The following ENTPD7 variants were observed in gnomAD, a reference collection of about 807,000 sequenced individuals.
ENTPD7 encodes ectonucleoside triphosphate diphosphohydrolase 7.
In ENTPD7, 53 loss-of-function variants were observed where a neutral mutation model predicts 77.9. The observed-to-expected ratio is 0.68, with a 90% CI of 0.55 to 0.85. The LOEUF is 0.85. Among genes scored for constraint, ENTPD7 ranks in the 40% least tolerant of loss-of-function variants. The probability of loss-of-function intolerance (pLI) is 0.00; values close to 1 mark genes in which losing one functional copy is unlikely to be tolerated. For missense variants in ENTPD7, 636 were observed against 743.7 expected (o/e 0.86, Z 1.68); for synonymous variants, 248 against 274.9 (o/e 0.90, Z 0.97).
intron 3 of ENTPD7, among the ~76,000 whole-genome samples, chr10:99,675,993 G>A (rs559300021): frequency 3.1e-4 from 47 of 152,208 alleles, no homozygotes; most frequent in Middle Eastern, 3.4e-3. Flanking sequence ...TACTCCTCCT[G>A]TTTCCAACAG....
At chr10:99,690,758 T>C (rs188983564) in intron 7 of ENTPD7, among the ~76,000 whole-genome samples, 38 of 152,050 alleles carry the variant, frequency 2.5e-4, no homozygotes, top group African/African-American at 8.9e-4. Flanking sequence ...GTCAGGCTGG[T>C]CTCGAACTCC....
intron 3 of ENTPD7, among the ~76,000 whole-genome samples, chr10:99,671,842 G>A (rs1470946828): frequency 6.6e-6 from 1 of 152,122 alleles, no homozygotes; most frequent in East Asian, 1.9e-4. Context: ...TTACCATCTG[G>A]AAATAACTGA....
Position 99,704,616 on chromosome 10 carries a change from C to T in ENTPD7, c.1748C>T (p.Ser583Leu). The T allele has an allele frequency of 6.2e-7, 1 of 1,614,158 alleles. No homozygotes were observed. Among genetic ancestry groups the T allele is most frequent in the Non-Finnish European group, 8.5e-7 (1 of 1,180,042 alleles). ...ATTCACCACCGACAAACACGAGCCT[C>T]AGCTCCATTGGACTTGCTGTGGCTT... ...RRIHHRQTRASAPLDLLWLEE... is the reference protein window; with the variant it reads ...RRIHHRQTRALAPLDLLWLEE... The change falls in exon 13 of 13, where the codon TCA (serine) becomes TTA (leucine). Residue 583 changes from serine to leucine, a missense_variant. Ser to Leu is a moderately radical substitution (Grantham distance 145). Transcript: ENST00000370489.
chr10:99,701,408 C>T (rs1449895536), intron 11 of ENTPD7, among the ~76,000 whole-genome samples: 1 of 151,814 alleles, frequency 6.6e-6, no homozygotes, highest in Admixed American at 6.6e-5. Flanking sequence ...CTGCCTCAGC[C>T]CCCCAAGTAG....
chr10:99,700,479 TTCCTG>T (rs1402420127), intron 10 of ENTPD7, among the ~76,000 whole-genome samples: 12 of 151,922 alleles, frequency 7.9e-5, no homozygotes, highest in Non-Finnish European at 1.2e-4. Context: ...GAATGTAAGC[TTCCTG>T]AGGACAGGAA....
rs11325544 is a variant in ENTPD7 at position 99,686,916 on chromosome 10, C to CT, written c.652+1040dup. Among the ~76,000 whole-genome samples, 80 of 98,044 alleles carry CT rather than the reference C, an allele frequency of 8.2e-4. 1 individual carries two copies. Among genetic ancestry groups the CT allele is most frequent in the African/African-American group, 1.4e-3 (38 of 26,692 alleles). The allele number at this position is 98,044 out of a possible 152,430, so 64.3% of individuals were successfully genotyped here. On this transcript the variant is annotated intron_variant, in intron 6 of 12. Transcript: ENST00000370489. The stretch of plus-strand genomic sequence containing the variant: ...GAGCTGCTTTCTGTAGGCTGTGAAT[C>CT]TTTTTTTTTTTTTTTTTTTGAGACA...
intron 3 of ENTPD7, among the ~76,000 whole-genome samples, chr10:99,664,698 G>T (rs1434968379): frequency 6.7e-6 from 1 of 148,896 alleles, no homozygotes; most frequent in Admixed American, 6.7e-5. Flanking sequence ...GTCTACCCAC[G>T]TTGGCCTCCC....
At position 99,706,960 on chromosome 10, in the gene ENTPD7, A is replaced by G. The variant is rs768875482; in HGVS notation, c.*2277A>G. On this transcript the variant is annotated 3_prime_UTR_variant, in exon 13 of 13. Coordinates refer to ENST00000370489, the MANE Select transcript of ENTPD7 (RefSeq NM_020354.5). ...GAAACACGGAAGTAGTGGTTGGTCC[A>G]GTTTGAAAGCTCTTATTAGTATTCT... Among the ~76,000 whole-genome samples, 1 of 152,202 alleles carries G rather than the reference A, an allele frequency of 6.6e-6. No homozygotes were observed. Among genetic ancestry groups the G allele is most frequent in the African/African-American group, 2.4e-5 (1 of 41,450 alleles).
intron 2 of ENTPD7, 146 bp downstream of exon 2, chr10:99,660,110 C>A: frequency 7.7e-7 from 1 of 1,302,120 alleles, no homozygotes; most frequent in Non-Finnish European, 1.1e-6. Context: ...CAGAGACGAT[C>A]AAAGTTGTAT....
At chr10:99,664,611 G>A (rs1349919634) in intron 3 of ENTPD7, among the ~76,000 whole-genome samples, 1 of 151,686 alleles carries the variant, frequency 6.6e-6, no homozygotes, top group Non-Finnish European at 1.5e-5. Context: ...CACCATGCCT[G>A]GCTAATTTTT....
chr10:99,702,657 C>G lies in ENTPD7; in HGVS notation c.1567C>G (p.Arg523Gly), dbSNP rs749800930. Residue 523 changes from arginine to glycine, a missense_variant, in exon 12 of 13, where the codon CGA (arginine) becomes GGA (glycine). Physicochemically the swap from Arg to Gly is moderately radical, Grantham distance 125 (BLOSUM62 -2). Coordinates refer to ENST00000370489, the MANE Select transcript of ENTPD7 (RefSeq NM_020354.5). Reference protein sequence around the residue: ...WTLGAILYKTRFLPLRDLRQE... With the variant: ...WTLGAILYKTGFLPLRDLRQE... ...GCTGGGAGCCATTCTATATAAAACA[C>G]GATTCTTACCACTCAGGTAAAGTAA... 6.2e-7 allele frequency: 1 copy of G among 1,610,838 alleles called. No homozygotes were observed. The highest frequency in any genetic ancestry group is 2.2e-5 in the East Asian group (1 of 44,770).
chr10:99,661,658 G>A, intron 3 of ENTPD7, 30 bp downstream of exon 3: 2 of 1,565,272 alleles, frequency 1.3e-6, no homozygotes, highest in Non-Finnish European at 1.7e-6. Context: ...TGGCACTCAA[G>A]TCATAAATAT....
At chr10:99,693,826 G>A (rs1352008973) in intron 8 of ENTPD7, among the ~76,000 whole-genome samples, 1 of 151,896 alleles carries the variant, frequency 6.6e-6, no homozygotes, top group Non-Finnish European at 1.5e-5. Context: ...GCTGAGGCAG[G>A]AGAATCGCTT....
chr10:99,682,204 T>TG (rs1030826214), intron 5 of ENTPD7, among the ~76,000 whole-genome samples: 1 of 151,664 alleles, frequency 6.6e-6, no homozygotes, highest in South Asian at 2.1e-4. Flanking sequence ...CAGCAGTTTT[T>TG]TTTTTTTTTT....
At chr10:99,698,465 GT>G in intron 9 of ENTPD7, 68 bp from the exon 10 acceptor site, 2 of 1,460,144 alleles carry the variant, frequency 1.4e-6, no homozygotes, top group Non-Finnish European at 9.3e-7. Context: ...TGCACATTGT[GT>G]TTCTTAGACT....
rs201253967 is a variant in ENTPD7 at position 99,704,658 on chromosome 10, T to C, written c.1790T>C (p.Met597Thr). 2.4e-5 allele frequency: 39 copies of C among 1,613,682 alleles called. No individual in the cohort carries two copies. Among genetic ancestry groups the C allele is most frequent in the Non-Finnish European group, 3.0e-5 (35 of 1,179,956 alleles). The change falls in exon 13 of 13, where the codon ATG becomes ACG. Residue 597 changes from methionine (M) to threonine (T), a missense_variant. By Grantham distance (81) the Met-to-Thr change is moderately conservative (BLOSUM62 -1). Coordinates refer to ENST00000370489, the MANE Select transcript of ENTPD7 (RefSeq NM_020354.5). The stretch of plus-strand genomic sequence containing the variant: ...CTGTGGCTTGAAGAGGTGGTGCCCA[T>C]GATGGGAGTACAGGTGGGGCCGTGA... ...DLLWLEEVVP[M>T]MGVQVGP
chr10:99,683,350 T>A (rs778924530), intron 5 of ENTPD7, among the ~76,000 whole-genome samples: 2 of 152,200 alleles, frequency 1.3e-5, no homozygotes, highest in Non-Finnish European at 2.9e-5. Flanking sequence ...TTTATTAGCA[T>A]TTGGTTTTAT....
intron 4 of ENTPD7, 22 bp from the exon 5 acceptor site, chr10:99,679,703 T>C (rs747515831): frequency 1.9e-6 from 3 of 1,592,380 alleles, no homozygotes; most frequent in Non-Finnish European, 1.7e-6. Context: ...AAGTTTTGTC[T>C]GTTTGTTTGT....
At position 99,710,460 on chromosome 10, in the gene ENTPD7, A is replaced by G; in HGVS notation, c.*5777A>G. 1 of 985,456 alleles carries G rather than the reference A, an allele frequency of 1.0e-6. No homozygotes were observed. The highest frequency in any genetic ancestry group is 1.7e-5 in the African/African-American group (1 of 57,352). The allele number at this position is 985,456 out of a possible 1,614,324, so 61.0% of individuals were successfully genotyped here. A position where few individuals can be genotyped will look rare whatever the true frequency, so the allele number is the denominator to read the frequency against. ...TTTTTATTATGATCTACACTTTAAA[A>G]AACCAAAGGCTGCCTGTATTACATT... On this transcript the variant is annotated 3_prime_UTR_variant, in exon 13 of 13. Coordinates refer to ENST00000370489, the MANE Select transcript of ENTPD7 (RefSeq NM_020354.5).
Sources: gnomAD v4.1 joint callset for allele counts (sites outside exome capture counted in the v4.1 genomes callset) on GRCh38, gnomAD v4.1.1 for gene constraint, MANE v1.5 for transcripts, NCBI Gene and HGNC (gene_info 2026-07-23, HGNC 2026-07-21) for gene names.